Variants in PCDH9 observed in about 807,000 individuals in gnomAD.
PCDH9 encodes the protein protocadherin-9.
In PCDH9, 24 loss-of-function variants were observed where a neutral mutation model predicts 70.6. That is an observed-to-expected ratio of 0.34 (90% CI 0.25 to 0.48). The LOEUF is 0.48. Among genes scored for constraint, PCDH9 ranks in the 20% least tolerant of loss-of-function variants. The probability of loss-of-function intolerance (pLI) is 0.99; values close to 1 mark genes in which losing one functional copy is unlikely to be tolerated. For missense variants in PCDH9, 1,281 were observed against 1,503.6 expected (o/e 0.85, Z 2.45); for synonymous variants, 562 against 558.5 (o/e 1.01, Z -0.09).
chr13:66,325,421 TG>T (rs1235758313), intron 4 of PCDH9, among the ~76,000 whole-genome samples: 1 of 151,918 alleles, frequency 6.6e-6, no homozygotes, highest in African/African-American at 2.4e-5. Flanking sequence ...TCCTATGAGA[TG>T]GGGGGAGAAA....
At position 66,774,436 on chromosome 13, in the gene PCDH9, T is replaced by C. The variant is rs543503627; in HGVS notation, c.3138+129068A>G. Among the ~76,000 whole-genome samples the C allele has an allele frequency of 2.0e-5, 3 of 146,418 alleles. No homozygotes were observed. The South Asian group carries it at 6.8e-4, about 33-fold the overall frequency. On this transcript the variant is annotated intron_variant, in intron 3 of 4. Coordinates refer to ENST00000377865, the MANE Select transcript of PCDH9 (RefSeq NM_203487.3). ...GGGAAATGATGGAGTCACTTCTTTC[T>C]CCTGCTCATCTACTAGATTTTTTTT...
At chr13:67,049,507 CATT>C (rs1303456407) in intron 2 of PCDH9, among the ~76,000 whole-genome samples, 3 of 152,272 alleles carry the variant, frequency 2.0e-5, no homozygotes, top group Non-Finnish European at 1.5e-5. Context: ...GTTCTCGCCT[CATT>C]GTTGGTGGAG....
chr13:66,835,245 C>T (rs983758450), intron 3 of PCDH9, among the ~76,000 whole-genome samples: 3 of 152,146 alleles, frequency 2.0e-5, no homozygotes, highest in Non-Finnish European at 2.9e-5. Context: ...TAATTCATGG[C>T]GGTTCCCAGA....
chr13:66,697,429 G>A (rs1006259386), intron 3 of PCDH9, among the ~76,000 whole-genome samples: 2 of 151,892 alleles, frequency 1.3e-5, no homozygotes, highest in African/African-American at 4.8e-5. Context: ...TAATGGCTGG[G>A]GCATTATTTA....
chr13:66,350,861 T>C (rs1956281941), intron 4 of PCDH9, among the ~76,000 whole-genome samples: 1 of 152,206 alleles, frequency 6.6e-6, no homozygotes, highest in African/African-American at 2.4e-5. Flanking sequence ...AGCTTCCATC[T>C]CACTGTAATC....
At chr13:66,908,918 A>G (rs2082410330) in intron 2 of PCDH9, among the ~76,000 whole-genome samples, 1 of 152,204 alleles carries the variant, frequency 6.6e-6, no homozygotes, top group African/African-American at 2.4e-5. Flanking sequence ...ATATAAATGC[A>G]ATCATATCAT....
At chr13:66,971,462 T>C (rs1388780618) in intron 2 of PCDH9, among the ~76,000 whole-genome samples, 1 of 152,068 alleles carries the variant, frequency 6.6e-6, no homozygotes, top group Admixed American at 6.6e-5. Context: ...CAAGGATGAA[T>C]GCATGAAAAA....
intron 2 of PCDH9, among the ~76,000 whole-genome samples, chr13:67,060,607 G>A (rs745904512): frequency 1.3e-5 from 2 of 151,780 alleles, no homozygotes; most frequent in Non-Finnish European, 2.9e-5. Context: ...CCATAATTCT[G>A]ACAATTATCA....
chr13:66,413,882 TG>T (rs1192879026), intron 4 of PCDH9, among the ~76,000 whole-genome samples: 1 of 152,052 alleles, frequency 6.6e-6, no homozygotes, highest in East Asian at 1.9e-4. Flanking sequence ...CTAAGCACTA[TG>T]GCCAAAGCAG....
chr13:66,331,520 T>C (rs1282685352), intron 4 of PCDH9, among the ~76,000 whole-genome samples: 1 of 152,186 alleles, frequency 6.6e-6, no homozygotes, highest in East Asian at 1.9e-4. Context: ...TCAAAACTTC[T>C]CTGAGGATTT....
intron 3 of PCDH9, among the ~76,000 whole-genome samples, chr13:66,856,662 G>A (rs1322913006): frequency 6.6e-6 from 1 of 151,862 alleles, no homozygotes; most frequent in Non-Finnish European, 1.5e-5. Flanking sequence ...TATTGCCAGA[G>A]GCCCACAAAT....
At chr13:66,336,880 T>C (rs972469859) in intron 4 of PCDH9, among the ~76,000 whole-genome samples, 32 of 152,190 alleles carry the variant, frequency 2.1e-4, no homozygotes, top group African/African-American at 7.7e-4. Context: ...GCAGTTGGAT[T>C]AAATGCATTA....
intron 2 of PCDH9, among the ~76,000 whole-genome samples, chr13:67,185,257 A>G (rs187718252): frequency 6.6e-5 from 10 of 152,270 alleles, no homozygotes; most frequent in Admixed American, 5.9e-4. Flanking sequence ...TCATTGCTTA[A>G]TTTTAGGTAT....
At chr13:66,861,643 C>T (rs190046765) in intron 3 of PCDH9, among the ~76,000 whole-genome samples, 1 of 152,138 alleles carries the variant, frequency 6.6e-6, no homozygotes, top group African/African-American at 2.4e-5. Context: ...CAGTCAAAGG[C>T]TATTCCACTC....
chr13:66,480,675 G>A (rs1003816937), intron 4 of PCDH9, among the ~76,000 whole-genome samples: 1 of 152,200 alleles, frequency 6.6e-6, no homozygotes, highest in Non-Finnish European at 1.5e-5. Context: ...TGCTGGAGAA[G>A]ATGTGGACAA....
chr13:66,970,504 G>A (rs1169448357), intron 2 of PCDH9, among the ~76,000 whole-genome samples: 1 of 151,378 alleles, frequency 6.6e-6, no homozygotes. Context: ...ATCAGGTGTA[G>A]TGATGCATGT....
chr13:67,077,290 G>A (rs1013849372), intron 2 of PCDH9, among the ~76,000 whole-genome samples: 3 of 152,044 alleles, frequency 2.0e-5, no homozygotes, highest in Admixed American at 6.6e-5. Flanking sequence ...AGCATATCAG[G>A]CATGCTTTTA....
intron 3 of PCDH9, among the ~76,000 whole-genome samples, chr13:66,841,962 C>T (rs2081123390): frequency 6.6e-6 from 1 of 152,088 alleles, no homozygotes; most frequent in Admixed American, 6.5e-5. Flanking sequence ...GGAGAAATTA[C>T]AGATGTTAGA....
chr13:66,515,741 G>C (rs1411802102), intron 4 of PCDH9, among the ~76,000 whole-genome samples: 1 of 151,948 alleles, frequency 6.6e-6, no homozygotes, highest in Non-Finnish European at 1.5e-5. Context: ...AAAATTTATA[G>C]AAAATTATGA....
Sources: gnomAD v4.1 joint callset for allele counts (sites outside exome capture counted in the v4.1 genomes callset) on GRCh38, gnomAD v4.1.1 for gene constraint, MANE v1.5 for transcripts, NCBI Gene and HGNC (gene_info 2026-07-23, HGNC 2026-07-21) for gene names.